The following NCK2 variants were observed in gnomAD, a reference collection of about 807,000 sequenced individuals.
The protein encoded by NCK2 is NCK adaptor protein 2.
In NCK2, 16 loss-of-function variants were observed where a neutral mutation model predicts 33.9. The observed-to-expected ratio is 0.47, with a 90% CI of 0.32 to 0.72. NCK2 has a LOEUF of 0.72. Ranked by LOEUF, NCK2 falls within the 30% of genes least tolerant of loss-of-function variation. NCK2 has a pLI of 0.03. For synonymous variants in NCK2, 273 were observed against 239.9 expected (o/e 1.14, Z -1.27); for missense variants, 418 against 537.3 (o/e 0.78, Z 2.19).
At chr2:105,857,110 G>C (rs1396230296) in intron 3 of NCK2, 2 of 151,624 alleles carry the variant, frequency 1.3e-5, no homozygotes, top group Non-Finnish European at 2.9e-5. Context: ...GTAGAACAAG[G>C]CAAGGCGAGT....
intron 1 of NCK2, among the ~76,000 whole-genome samples, chr2:105,750,067 C>CACACACACACACACACACACAA (rs1553449504): frequency 1.3e-5 from 2 of 151,296 alleles, no homozygotes; most frequent in Non-Finnish European, 3.0e-5. Flanking sequence ...CACACACACA[C>CACACACACACACACACACACAA]AAAACAACAA....
At chr2:105,792,813 G>A (rs1407074900) in intron 1 of NCK2, among the ~76,000 whole-genome samples, 2 of 152,204 alleles carry the variant, frequency 1.3e-5, no homozygotes, top group African/African-American at 4.8e-5. Context: ...AGGCCCATGT[G>A]AGCAACCTGG....
intron 3 of NCK2, among the ~76,000 whole-genome samples, chr2:105,858,392 G>A (rs35611917): frequency 0.2 from 30,748 of 151,964 alleles, 3,799 homozygotes; most frequent in East Asian, 0.32. Flanking sequence ...CTGGGACTAC[G>A]GGCATGCACT....
At chr2:105,840,470 A>G (rs760230342) in intron 2 of NCK2, among the ~76,000 whole-genome samples, 1 of 152,230 alleles carries the variant, frequency 6.6e-6, no homozygotes, top group Non-Finnish European at 1.5e-5. Flanking sequence ...TCTCTCCCCA[A>G]CAGCAAGTAA....
At chr2:105,887,956 A>G (rs1678785883) in intron 4 of NCK2, among the ~76,000 whole-genome samples, 2 of 152,208 alleles carry the variant, frequency 1.3e-5, no homozygotes, top group Admixed American at 1.3e-4. Context: ...ACCTAAAGGA[A>G]TGAATAATGG....
At chr2:105,873,422 A>C (rs1187705081) in intron 3 of NCK2, among the ~76,000 whole-genome samples, 5 of 152,202 alleles carry the variant, frequency 3.3e-5, no homozygotes, top group African/African-American at 1.2e-4. Context: ...TTACTCCTGC[A>C]GTAAATATTT....
intron 2 of NCK2, among the ~76,000 whole-genome samples, chr2:105,841,794 T>C (rs1257252163): frequency 6.6e-6 from 1 of 152,136 alleles, no homozygotes; most frequent in African/African-American, 2.4e-5. Context: ...GATGACCAAA[T>C]GTGTTTTATA....
intron 1 of NCK2, among the ~76,000 whole-genome samples, chr2:105,765,722 A>G (rs1689913262): frequency 6.6e-6 from 1 of 151,600 alleles, no homozygotes; most frequent in South Asian, 2.1e-4. Context: ...ACAGTTGCAA[A>G]TATTTTAGAT....
At chr2:105,855,951 C>T (rs1677249715) in intron 3 of NCK2, among the ~76,000 whole-genome samples, 1 of 151,950 alleles carries the variant, frequency 6.6e-6, no homozygotes, top group African/African-American at 2.4e-5. Flanking sequence ...TCTCCTGCCT[C>T]AGCCTCCCGA....
intron 3 of NCK2, among the ~76,000 whole-genome samples, chr2:105,874,714 C>G (rs1368045103): frequency 1.3e-5 from 2 of 152,210 alleles, no homozygotes; most frequent in East Asian, 3.8e-4. Flanking sequence ...GTTTTAAAGT[C>G]ATCTGTTACA....
At chr2:105,847,615 A>G (rs1437217458) in intron 2 of NCK2, among the ~76,000 whole-genome samples, 1 of 151,986 alleles carries the variant, frequency 6.6e-6, no homozygotes, top group Non-Finnish European at 1.5e-5. Context: ...CCAGGGTGGG[A>G]GAGGGGCCTG....
intron 3 of NCK2, among the ~76,000 whole-genome samples, chr2:105,873,506 A>G (rs950228212): frequency 2.6e-5 from 4 of 152,072 alleles, no homozygotes; most frequent in African/African-American, 4.8e-5. Context: ...ATCCACCGCC[A>G]CCACCACCCT....
chr2:105,824,841 C>T (rs1675881221), intron 2 of NCK2, among the ~76,000 whole-genome samples: 1 of 152,128 alleles, frequency 6.6e-6, no homozygotes, highest in South Asian at 2.1e-4. Flanking sequence ...GTTGCCATGC[C>T]CCACAGAATT....
Position 105,820,587 on chromosome 2 carries a change from G to T in NCK2, c.-17+3974G>T, listed in dbSNP as rs530632001. Among the ~76,000 whole-genome samples, 181 of 152,274 alleles carry T rather than the reference G, an allele frequency of 1.2e-3. 1 individual carries two copies. Among genetic ancestry groups the T allele is most frequent in the African/African-American group, 4.2e-3 (175 of 41,562 alleles). ...CTGCGGCTCTGACCCTGCCTTCTTTGGGGGAGCGGAGACCATAGGAAGAGC... is the reference window on the plus strand; with the variant it reads ...CTGCGGCTCTGACCCTGCCTTCTTTTGGGGAGCGGAGACCATAGGAAGAGC... On this transcript the variant is annotated intron_variant, in intron 2 of 4. Coordinates refer to ENST00000233154, the MANE Select transcript of NCK2 (RefSeq NM_003581.5).
At chr2:105,757,809 T>C (rs756429484) in intron 1 of NCK2, among the ~76,000 whole-genome samples, 48 of 152,212 alleles carry the variant, frequency 3.2e-4, no homozygotes, top group South Asian at 1.2e-3. Context: ...CAGAATTCAT[T>C]TGAAGCATTC....
At chr2:105,873,376 T>C (rs1573233130) in intron 3 of NCK2, among the ~76,000 whole-genome samples, 1 of 152,190 alleles carries the variant, frequency 6.6e-6, no homozygotes, top group African/African-American at 2.4e-5. Context: ...TGAGGCCTAA[T>C]GGATGTGGCC....
chr2:105,780,545 C>A (rs777137088), intron 1 of NCK2, among the ~76,000 whole-genome samples: 3 of 152,148 alleles, frequency 2.0e-5, no homozygotes, highest in Non-Finnish European at 2.9e-5. Flanking sequence ...TACCTGGGCA[C>A]TATTGAGAGT....
chr2:105,849,297 T>C (rs760117014), intron 2 of NCK2, among the ~76,000 whole-genome samples: 1 of 152,146 alleles, frequency 6.6e-6, no homozygotes, highest in Non-Finnish European at 1.5e-5. Context: ...CTGAGGCAGA[T>C]GGATCGCTTG....
At chr2:105,852,445 G>A (rs1218719862) in intron 2 of NCK2, among the ~76,000 whole-genome samples, 1 of 152,126 alleles carries the variant, frequency 6.6e-6, no homozygotes, top group East Asian at 1.9e-4. Flanking sequence ...CTTTCATAAA[G>A]ATACTGATAT....
Sources: allele counts gnomAD v4.1 joint callset (sites outside exome capture counted in the v4.1 genomes callset), GRCh38; gene constraint gnomAD v4.1.1; transcripts MANE v1.5; gene names NCBI Gene and HGNC (gene_info 2026-07-23, HGNC 2026-07-21).